Variants in HCRTR2 observed in about 807,000 individuals in gnomAD.
HCRTR2 encodes orexin receptor type 2.
HCRTR2 carries 22 observed loss-of-function variants against 49.0 expected under a neutral mutation model. That is an observed-to-expected ratio of 0.45 (90% CI 0.32 to 0.64). The LOEUF (loss-of-function observed/expected upper bound fraction) is 0.64. HCRTR2 is among the 30% of genes least tolerant of loss of function. The pLI is 0.04. For synonymous variants in HCRTR2, 236 were observed against 205.3 expected, an observed-to-expected ratio of 1.15 and a Z score of -1.28; for missense variants, 491 against 559.4, an observed-to-expected ratio of 0.88 and a Z score of 1.23.
intron 1 of HCRTR2, among the ~76,000 whole-genome samples, chr6:55,178,306 CTGT>C (rs1450967574): frequency 6.6e-6 from 1 of 151,984 alleles, no homozygotes; most frequent in Non-Finnish European, 1.5e-5. Context: ...TCTGTCATAT[CTGT>C]TGTTGTCTCC....
intron 3 of HCRTR2, among the ~76,000 whole-genome samples, chr6:55,256,232 A>T (rs909817775): frequency 6.6e-6 from 1 of 152,000 alleles, no homozygotes; most frequent in Admixed American, 6.6e-5. Flanking sequence ...AACCAATCTG[A>T]CCTCTTCTAG....
upstream of HCRTR2, among the ~76,000 whole-genome samples, chr6:55,171,018 T>A (rs1764942662): frequency 6.6e-6 from 1 of 152,066 alleles, no homozygotes; most frequent in South Asian, 2.1e-4. Flanking sequence ...TCTTTGCTAT[T>A]GTGAATAGTG....
At chr6:55,202,602 C>G (rs1466409894) in intron 1 of HCRTR2, among the ~76,000 whole-genome samples, 12 of 152,148 alleles carry the variant, frequency 7.9e-5, no homozygotes, top group African/African-American at 2.7e-4. Context: ...CATCTGTTGT[C>G]TCATATGTCC....
intron 1 of HCRTR2, among the ~76,000 whole-genome samples, chr6:55,168,484 A>T (rs1256706306): frequency 6.6e-6 from 1 of 152,048 alleles, no homozygotes; most frequent in Non-Finnish European, 1.5e-5. Context: ...CTGCTTAAAC[A>T]CTCCACCACT....
At chr6:55,243,946 T>G (rs1766382873) in intron 1 of HCRTR2, among the ~76,000 whole-genome samples, 2 of 152,116 alleles carry the variant, frequency 1.3e-5, no homozygotes, top group African/African-American at 4.8e-5. Context: ...TTTTGTTGGT[T>G]GACCAGTTGA....
At chr6:55,199,365 T>C (rs953239731) in intron 1 of HCRTR2, among the ~76,000 whole-genome samples, 3 of 152,036 alleles carry the variant, frequency 2.0e-5, no homozygotes, top group South Asian at 2.1e-4. Flanking sequence ...AAGGGGAGGA[T>C]TGAATTATTT....
intron 1 of HCRTR2, among the ~76,000 whole-genome samples, chr6:55,161,916 T>C (rs1393901518): frequency 1.3e-5 from 2 of 152,134 alleles, no homozygotes; most frequent in Non-Finnish European, 1.5e-5. Flanking sequence ...AAATCAGAGC[T>C]GGTACCATTC....
intron 1 of HCRTR2, among the ~76,000 whole-genome samples, chr6:55,114,079 AATGCAAAGGCATAAGAATG>A (rs1764085020): frequency 6.6e-6 from 1 of 151,762 alleles, no homozygotes; most frequent in African/African-American, 2.4e-5. Flanking sequence ...CTTAAGTGAA[AATGCAAAGGCATAAGAATG>A]ATACAATGGA....
At chr6:55,249,836 T>C (rs1766514501) in intron 2 of HCRTR2, among the ~76,000 whole-genome samples, 1 of 152,114 alleles carries the variant, frequency 6.6e-6, no homozygotes, top group Admixed American at 6.6e-5. Context: ...GCAAATGAAA[T>C]GGTGACCACT....
chr6:55,183,123 T>C (rs1765161225), intron 1 of HCRTR2, among the ~76,000 whole-genome samples: 1 of 152,190 alleles, frequency 6.6e-6, no homozygotes, highest in South Asian at 2.1e-4. Flanking sequence ...ACCTGCACTC[T>C]TTTTGAAAGA....
chr6:55,249,822 G>A (rs1766514279), intron 2 of HCRTR2, among the ~76,000 whole-genome samples: 2 of 152,020 alleles, frequency 1.3e-5, no homozygotes, highest in South Asian at 4.1e-4. Flanking sequence ...TTAGGAATTG[G>A]ACAGCAAATG....
chr6:55,130,152 A>G (rs1434314190), intron 1 of HCRTR2, among the ~76,000 whole-genome samples: 4 of 151,918 alleles, frequency 2.6e-5, no homozygotes, highest in African/African-American at 7.2e-5. Flanking sequence ...ATACTCAGTG[A>G]CTTAAACATT....
chr6:55,188,743 A>G (rs1765267094), intron 1 of HCRTR2, among the ~76,000 whole-genome samples: 1 of 152,184 alleles, frequency 6.6e-6, no homozygotes, highest in Non-Finnish European at 1.5e-5. Context: ...TGTGGGGGAG[A>G]CTAACATGTA....
At chr6:55,275,241 T>C (rs898242264) in intron 4 of HCRTR2, among the ~76,000 whole-genome samples, 7 of 152,172 alleles carry the variant, frequency 4.6e-5, no homozygotes, top group Non-Finnish European at 8.8e-5. Flanking sequence ...TAAATATGAT[T>C]TATAAAGTTT....
chr6:55,166,571 G>A (rs1764880615), intron 1 of HCRTR2, among the ~76,000 whole-genome samples: 1 of 152,094 alleles, frequency 6.6e-6, no homozygotes, highest in Non-Finnish European at 1.5e-5. Flanking sequence ...TGATAAGAAT[G>A]TGGAAACCTT....
At chr6:55,210,052 T>A (rs959459320) in intron 1 of HCRTR2, among the ~76,000 whole-genome samples, 4 of 152,150 alleles carry the variant, frequency 2.6e-5, no homozygotes, top group African/African-American at 9.7e-5. Flanking sequence ...AACTACCTCA[T>A]TCAAAGGGAC....
chr6:55,249,777 A>G, intron 2 of HCRTR2, among the ~76,000 whole-genome samples: 1 of 152,230 alleles, frequency 6.6e-6, no homozygotes, highest in East Asian at 1.9e-4. Flanking sequence ...GATAATGTTC[A>G]CATTCACTCA....
In HCRTR2 at chr6:55,240,469, T is replaced by C. The variant is rs372112062; in HGVS notation, c.224-8170T>C. 3.8e-3 allele frequency among the ~76,000 whole-genome samples: 581 copies of C among 151,164 alleles called. 4 individuals carry two copies. The highest frequency in any genetic ancestry group is 0.013 in the African/African-American group (553 of 41,276). On this transcript the variant is annotated intron_variant, in intron 1 of 6. Transcript: ENST00000370862. Reference sequence around the variant, plus strand: ...GCACTTCTTAAGAGTCCTCCATCCGTCAGCGTTGTAAAAAAGGAAGTGGCA... The same window carrying C: ...GCACTTCTTAAGAGTCCTCCATCCGCCAGCGTTGTAAAAAAGGAAGTGGCA...
At chr6:55,226,119 C>T (rs1765998802) in intron 1 of HCRTR2, among the ~76,000 whole-genome samples, 1 of 152,188 alleles carries the variant, frequency 6.6e-6, no homozygotes, top group Admixed American at 6.5e-5. Context: ...ATGTCACCAA[C>T]TCATGTATCT....
Sources: gnomAD v4.1 joint callset for allele counts (sites outside exome capture counted in the v4.1 genomes callset) on GRCh38, gnomAD v4.1.1 for gene constraint, MANE v1.5 for transcripts, NCBI Gene and HGNC (gene_info 2026-07-23, HGNC 2026-07-21) for gene names.